PLEKHG1: variants seen among roughly 807,000 people sequenced by gnomAD.
The protein encoded by PLEKHG1 is pleckstrin homology domain-containing family G member 1.
A neutral mutation model predicts 100.8 loss-of-function variants in PLEKHG1; 44 were observed. The ratio of observed to expected loss-of-function variants is 0.44; its 90% CI spans 0.34 to 0.56. PLEKHG1 has a LOEUF of 0.56. PLEKHG1 is among the 20% of genes least tolerant of loss of function. The probability of loss-of-function intolerance (pLI) is 0.01; values close to 1 mark genes in which losing one functional copy is unlikely to be tolerated. For synonymous variants in PLEKHG1, 640 were observed against 662.5 expected (o/e 0.97, Z 0.52); for missense variants, 1,545 against 1,720.9 (o/e 0.90, Z 1.81).
chr6:150,738,202 T>C (rs1464742342), intron 2 of PLEKHG1, among the ~76,000 whole-genome samples: 1 of 152,152 alleles, frequency 6.6e-6, no homozygotes, highest in Non-Finnish European at 1.5e-5. Flanking sequence ...AGTAGCATGA[T>C]TTCTGACTTT....
At chr6:150,748,252 G>A (rs1315578194) in intron 2 of PLEKHG1, among the ~76,000 whole-genome samples, 1 of 152,154 alleles carries the variant, frequency 6.6e-6, no homozygotes, top group South Asian at 2.1e-4. Context: ...TTCATTGTGT[G>A]TGTAGATTGC....
intron 1 of PLEKHG1, among the ~76,000 whole-genome samples, chr6:150,611,095 C>A (rs1182099787): frequency 1.3e-5 from 2 of 152,184 alleles, no homozygotes; most frequent in African/African-American, 4.8e-5. Context: ...TCCTTCTGTT[C>A]CCACTAGAGA....
At chr6:150,774,857 T>G (rs1784881022) in intron 3 of PLEKHG1, among the ~76,000 whole-genome samples, 1 of 151,986 alleles carries the variant, frequency 6.6e-6, no homozygotes, top group African/African-American at 2.4e-5. Flanking sequence ...TAAAAGAATT[T>G]TTAAAAATTC....
intron 2 of PLEKHG1, among the ~76,000 whole-genome samples, chr6:150,760,027 T>A (rs1041986059): frequency 6.6e-6 from 1 of 152,136 alleles, no homozygotes; most frequent in African/African-American, 2.4e-5. Context: ...CCAATAATGA[T>A]GATAAATAGC....
chr6:150,831,770 T>C lies in PLEKHG1; in HGVS notation c.2659T>C (p.Ser887Pro), dbSNP rs1776948345. The C allele has an allele frequency of 6.2e-7, 1 of 1,613,696 alleles. No homozygotes were observed. Among genetic ancestry groups the C allele is most frequent in the Non-Finnish European group, 8.5e-7 (1 of 1,179,974 alleles). ...TGAGCTGAGCCGGGACGTGGGGCGCTCTGTGTCCACGCTGTCCCTGCCTGA... is the reference window on the plus strand; with the variant it reads ...TGAGCTGAGCCGGGACGTGGGGCGCCCTGTGTCCACGCTGTCCCTGCCTGA... The change falls in exon 15 of 16, where the codon TCT becomes CCT. Residue 887 changes from serine (S) to proline (P), a missense_variant. Coordinates refer to ENST00000358517, the Ensembl canonical transcript of PLEKHG1. The surrounding 1 kb of genome is among the most constrained non-coding windows in gnomAD (Gnocchi z 4.1).
intron 5 of PLEKHG1, among the ~76,000 whole-genome samples, chr6:150,796,165 A>G (rs1485566485): frequency 6.6e-6 from 1 of 152,234 alleles, no homozygotes; most frequent in Non-Finnish European, 1.5e-5. Context: ...GGTATCTCCA[A>G]AAGGAAACTA....
chr6:150,690,852 TCTC>T (rs1454741639), intron 3 of PLEKHG1, among the ~76,000 whole-genome samples: 2 of 152,194 alleles, frequency 1.3e-5, no homozygotes, highest in Non-Finnish European at 2.9e-5. Flanking sequence ...GGAATTCTGT[TCTC>T]CTGCTTTTGG....
chr6:150,623,162 A>G (rs1777377973), intron 1 of PLEKHG1, among the ~76,000 whole-genome samples: 1 of 152,166 alleles, frequency 6.6e-6, no homozygotes, highest in Non-Finnish European at 1.5e-5. Context: ...TCACTTGAAT[A>G]TAATTCATCA....
At chr6:150,661,121 T>C (rs1779172288) in intron 3 of PLEKHG1, among the ~76,000 whole-genome samples, 1 of 152,182 alleles carries the variant, frequency 6.6e-6, no homozygotes, top group Non-Finnish European at 1.5e-5. Flanking sequence ...TGAGCGAATT[T>C]GAATGTGTTG....
exon 16 of PLEKHG1, chr6:150,841,968 G>A (rs1460391207): frequency 6.6e-6 from 1 of 152,166 alleles, no homozygotes; most frequent in African/African-American, 2.4e-5. Flanking sequence ...TAACATGGGA[G>A]CCTTTTTTTC....
chr6:150,799,732 T>A (rs981903695), intron 5 of PLEKHG1, among the ~76,000 whole-genome samples: 1 of 152,242 alleles, frequency 6.6e-6, no homozygotes, highest in Non-Finnish European at 1.5e-5. Flanking sequence ...ATGGTTTAAT[T>A]ACGAAACTTC....
At chr6:150,809,891 CA>C (rs201618525) in intron 10 of PLEKHG1, among the ~76,000 whole-genome samples, 157 bp downstream of exon 11, 158 of 135,726 alleles carry the variant, frequency 1.2e-3, no homozygotes, top group Admixed American at 1.3e-3. Flanking sequence ...GAGACTGGGT[CA>C]AAAAAAAAAA....
chr6:150,610,064 T>A (rs370632189), intron 1 of PLEKHG1, among the ~76,000 whole-genome samples: 2 of 152,184 alleles, frequency 1.3e-5, no homozygotes, highest in Non-Finnish European at 2.9e-5. Context: ...TCCTTTCAGC[T>A]CCCTGGCATC....
At chr6:150,642,834 C>T (rs915847490) in intron 2 of PLEKHG1, among the ~76,000 whole-genome samples, 2 of 152,200 alleles carry the variant, frequency 1.3e-5, no homozygotes, top group Non-Finnish European at 2.9e-5. Flanking sequence ...GTATGTAACC[C>T]TTCAAGAACC....
chr6:150,814,015 T>G (rs1385194895), intron 10 of PLEKHG1, among the ~76,000 whole-genome samples: 1 of 152,180 alleles, frequency 6.6e-6, no homozygotes. Flanking sequence ...GACAAGCATT[T>G]GAAGCTTGTT....
intron 2 of PLEKHG1, among the ~76,000 whole-genome samples, chr6:150,756,430 G>C (rs923952927): frequency 2.0e-5 from 3 of 152,150 alleles, no homozygotes; most frequent in Non-Finnish European, 4.4e-5. Flanking sequence ...TTGATACAAT[G>C]AGCGGAATAA....
At chr6:150,677,180 C>T (rs1035782638) in intron 3 of PLEKHG1, among the ~76,000 whole-genome samples, 1 of 152,158 alleles carries the variant, frequency 6.6e-6, no homozygotes, top group Non-Finnish European at 1.5e-5. Flanking sequence ...TTATGGTACT[C>T]CTCCATTTAA....
chr6:150,723,345 AG>A (rs1235125201), intron 1 of PLEKHG1, among the ~76,000 whole-genome samples: 1 of 152,206 alleles, frequency 6.6e-6, no homozygotes, highest in Admixed American at 6.5e-5. Flanking sequence ...GTTTATACAG[AG>A]GGTTGTGGAT....
chr6:150,806,345 C>G (rs1054556966), intron 7 of PLEKHG1, among the ~76,000 whole-genome samples: 1 of 147,532 alleles, frequency 6.8e-6, no homozygotes, highest in African/African-American at 2.5e-5. Context: ...TCCGCAGTTT[C>G]ACTTTCTGCA....
Sources: gnomAD v4.1 joint callset for allele counts (sites outside exome capture counted in the v4.1 genomes callset) on GRCh38, gnomAD v4.1.1 for gene constraint, Gnocchi (gnomAD v3.1) non-coding constraint, MANE v1.5 for transcripts, NCBI Gene and HGNC (gene_info 2026-07-23, HGNC 2026-07-21) for gene names.